The following NAMPT variants were observed in gnomAD, a reference collection of about 807,000 sequenced individuals.
The protein encoded by NAMPT is NAmPRTase.
In NAMPT, 7 loss-of-function variants were observed where a neutral mutation model predicts 58.7. That is an observed-to-expected ratio of 0.12 (90% CI 0.07 to 0.22). The LOEUF is 0.22. NAMPT is among the 10% of genes least tolerant of loss of function. NAMPT has a pLI of 1.00. For missense variants in NAMPT, 271 were observed against 567.9 expected (o/e 0.48, Z 5.31); for synonymous variants, 145 against 198.1 (o/e 0.73, Z 2.25).
At chr7:106,271,491 T>C (rs1792532267) in intron 4 of NAMPT, among the ~76,000 whole-genome samples, 1 of 152,224 alleles carries the variant, frequency 6.6e-6, no homozygotes, top group Admixed American at 6.5e-5. Flanking sequence ...CCAGCATTTT[T>C]TGGGTACATA....
intron 8 of NAMPT, among the ~76,000 whole-genome samples, chr7:106,258,603 A>C (rs1792249995): frequency 6.6e-6 from 1 of 152,252 alleles, no homozygotes; most frequent in South Asian, 2.1e-4. Flanking sequence ...GCTTGCTTCC[A>C]GACCACTGCA....
At chr7:106,257,707 T>C (rs1376779206) in intron 8 of NAMPT, among the ~76,000 whole-genome samples, 2 of 152,044 alleles carry the variant, frequency 1.3e-5, no homozygotes, top group East Asian at 3.9e-4. Flanking sequence ...CCGAAGAGCT[T>C]TGATTTTTGA....
At chr7:106,285,572 C>T, upstream of NAMPT, 1 of 985,962 alleles carries the variant, frequency 1.0e-6, no homozygotes, top group South Asian at 4.7e-5. Flanking sequence ...AGGATCCAGC[C>T]TTTCGCCTCC....
intron 8 of NAMPT, among the ~76,000 whole-genome samples, chr7:106,257,049 G>A (rs1396946088): frequency 2.0e-5 from 3 of 151,270 alleles, no homozygotes; most frequent in African/African-American, 2.4e-5. Context: ...GGTGGCACAC[G>A]CCCGTAATCC....
At chr7:106,264,722 C>T (rs1464400209) in intron 6 of NAMPT, among the ~76,000 whole-genome samples, 1 of 152,038 alleles carries the variant, frequency 6.6e-6, no homozygotes, top group Non-Finnish European at 1.5e-5. Flanking sequence ...GTCATTCTCC[C>T]TAATTTTCTA....
Position 106,253,010 on chromosome 7 carries a change from T to C in NAMPT, c.1365+7A>G, listed in dbSNP as rs201238374. 332 of 1,612,904 alleles carry C rather than the reference T, an allele frequency of 2.1e-4. No homozygotes were observed. The highest frequency in any genetic ancestry group is 6.0e-4 in the Admixed American group (36 of 59,962). On this transcript the variant is annotated splice_region_variant and intron_variant, in intron 10 of 10. Transcript: ENST00000222553. ...GCTTAAAAAAACCAATCAGCATAGA[T>C]ACATACCTGACCATATTCCTCAAGG...
At chr7:106,266,988 C>T (rs184550672) in intron 6 of NAMPT, among the ~76,000 whole-genome samples, 31 of 152,290 alleles carry the variant, frequency 2.0e-4, no homozygotes, top group African/African-American at 7.5e-4. Context: ...TGTGTTTCAG[C>T]CCTTATTCTC....
Position 106,253,137 on chromosome 7 carries a change from C to T in NAMPT, c.1245G>A (p.Lys415=). 1 of 1,612,508 alleles carries T rather than the reference C, an allele frequency of 6.2e-7. No individual in the cohort carries two copies. Residue 415 remains lysine (K), a synonymous_variant, in exon 10 of 11, where the codon AAG becomes AAA. Transcript: ENST00000222553. ...TTTTGTTGGGATCAGCAACTGGGTCCTTGAAGACGTTAATCTGAAATCCAA... is the reference window on the plus strand; with the variant it reads ...TTTTGTTGGGATCAGCAACTGGGTCTTTGAAGACGTTAATCTGAAATCCAA... ...VTNGLGINVF[K]DPVADPNKRS... is the part of the protein sequence containing the mutation.
intron 3 of NAMPT, among the ~76,000 whole-genome samples, chr7:106,272,955 GCTT>G: frequency 6.6e-6 from 1 of 152,250 alleles, no homozygotes; most frequent in South Asian, 2.1e-4. Flanking sequence ...CCAAACTGTT[GCTT>G]CTTCCCTGCT....
intron 1 of NAMPT, among the ~76,000 whole-genome samples, chr7:106,283,832 G>A (rs1277847260): frequency 1.3e-5 from 2 of 151,996 alleles, no homozygotes; most frequent in Non-Finnish European, 2.9e-5. Flanking sequence ...TATCGGAGGA[G>A]GGCTAAAAAC....
rs555334462 is a variant in NAMPT, at chr7:106,259,659, G to A, written c.1089+1929C>T. Reference sequence around the variant, plus strand: ...AGGATGATCTTGATCTCCTGATTGCGTGATCTGCCTGTCTCGGTCTCCCAA... The same window carrying A: ...AGGATGATCTTGATCTCCTGATTGCATGATCTGCCTGTCTCGGTCTCCCAA... On this transcript the variant is annotated intron_variant, in intron 8 of 10. Coordinates refer to ENST00000222553, the MANE Select transcript of NAMPT (RefSeq NM_005746.3). Among the ~76,000 whole-genome samples, 48 of 152,166 alleles carry A rather than the reference G, an allele frequency of 3.2e-4. 1 individual carries two copies. The South Asian group carries it at 7.7e-3, about 24-fold the overall frequency.
Position 106,284,919 on chromosome 7 carries a change from C to A in NAMPT, c.-35G>T. On this transcript the variant is annotated 5_prime_UTR_variant, in exon 1 of 11. Transcript: ENST00000222553. The stretch of plus-strand genomic sequence containing the variant: ...GAGGACAGGGGCCGCGCGCCGCGAG[C>A]TCCCTGGCGCGGCTGCGAGGAAGGA... 6.4e-7 allele frequency: 1 copy of A among 1,568,576 alleles called. No homozygotes were observed. Among genetic ancestry groups the A allele is most frequent in the Non-Finnish European group, 8.7e-7 (1 of 1,155,536 alleles).
intron 5 of NAMPT, 111 bp from the exon 6 acceptor site, chr7:106,268,711 GTCTT>G: frequency 1.3e-6 from 1 of 748,560 alleles, no homozygotes; most frequent in Non-Finnish European, 2.3e-6. Flanking sequence ...CATAAGAATT[GTCTT>G]TCTCTTAGGA....
chr7:106,250,856 G>A lies in NAMPT; in HGVS notation c.*227C>T. 2.0e-6 allele frequency: 1 copy of A among 491,740 alleles called. No homozygotes were observed. Among genetic ancestry groups the A allele is most frequent in the Non-Finnish European group, 3.6e-6 (1 of 280,170 alleles). 30.5% of individuals were successfully genotyped at this position (491,740 alleles called of 1,614,324 possible). A position where few individuals can be genotyped will look rare whatever the true frequency, so the allele number is the denominator to read the frequency against. On this transcript the variant is annotated 3_prime_UTR_variant, in exon 11 of 11. Coordinates refer to ENST00000222553, the MANE Select transcript of NAMPT (RefSeq NM_005746.3). ...ATACCAGATTGAATGACTACCTATT[G>A]GCAAAGGGCCCTAAAAAGCTTACTT...
chr7:106,265,502 TTCTCA>T (rs2115767378), intron 6 of NAMPT, among the ~76,000 whole-genome samples: 1 of 151,746 alleles, frequency 6.6e-6, no homozygotes, highest in Non-Finnish European at 1.5e-5. Flanking sequence ...ATGGCAATAT[TTCTCA>T]TAGTTCTGAC....
upstream of NAMPT, chr7:106,285,359 T>G: frequency 2.3e-6 from 1 of 435,996 alleles, no homozygotes; most frequent in African/African-American, 2.1e-5. Context: ...GGGCGGGGCC[T>G]GGAGGGGGCG....
chr7:106,258,910 T>C (rs897271136), intron 8 of NAMPT, among the ~76,000 whole-genome samples: 5 of 150,364 alleles, frequency 3.3e-5, no homozygotes, highest in East Asian at 1.9e-4. Context: ...GTCACGTCAA[T>C]TGACTCTATC....
intron 8 of NAMPT, among the ~76,000 whole-genome samples, chr7:106,260,110 A>G (rs762234807): frequency 1.8e-4 from 28 of 152,360 alleles, no homozygotes; most frequent in South Asian, 2.1e-4. Flanking sequence ...GAGAGTTAGC[A>G]TGTCCTTTCA....
At chr7:106,273,071 T>G (rs903447428) in intron 3 of NAMPT, among the ~76,000 whole-genome samples, 43 of 152,176 alleles carry the variant, frequency 2.8e-4, no homozygotes, top group African/African-American at 4.8e-4. Flanking sequence ...AAATAAAGGC[T>G]GCAGATTGAA....
Sources: gnomAD v4.1 joint callset for allele counts (sites outside exome capture counted in the v4.1 genomes callset) on GRCh38, gnomAD v4.1.1 for gene constraint, MANE v1.5 for transcripts, NCBI Gene and HGNC (gene_info 2026-07-23, HGNC 2026-07-21) for gene names.